The following FBN1 variants were observed in gnomAD, a reference collection of about 807,000 sequenced individuals.
The protein encoded by FBN1 is fibrillin 1.
FBN1 carries 29 observed loss-of-function variants against 365.1 expected under a neutral mutation model. That is an observed-to-expected ratio of 0.08 (90% CI 0.06 to 0.11). The LOEUF (loss-of-function observed/expected upper bound fraction) is 0.11, where lower values mean the gene tolerates loss of function less well. Ranked by LOEUF, FBN1 falls within the 10% of genes least tolerant of loss-of-function variation. The pLI, the probability that FBN1 is intolerant of heterozygous loss-of-function variation, is 1.00. For missense variants in FBN1, 2,476 were observed against 3,703.2 expected (o/e 0.67, Z 8.60); for synonymous variants, 1,210 against 1,270.5 (o/e 0.95, Z 1.01).
At chr15:48,421,396 C>T (rs1375628314) in intron 62 of FBN1, among the ~76,000 whole-genome samples, 162 bp downstream of exon 62, 5 of 152,166 alleles carry the variant, frequency 3.3e-5, no homozygotes, top group African/African-American at 9.7e-5. Context: ...AAACAAAACA[C>T]GACTCTCTAA....
In FBN1 at chr15:48,467,930, C is replaced by T. The variant is rs368739764; in HGVS notation, c.4747+8G>A. The stretch of plus-strand genomic sequence containing the variant: ...GAAATAATAATAAATAGGAGGATGT[C>T]CACTTACATGTGTTCACAGCAGGAC... On this transcript the variant is annotated splice_region_variant and intron_variant, in intron 38 of 65. Transcript: ENST00000316623. 1 of 1,611,390 alleles carries T rather than the reference C, an allele frequency of 6.2e-7. No individual in the cohort carries two copies. Among genetic ancestry groups the T allele is most frequent in the Non-Finnish European group, 8.5e-7 (1 of 1,177,746 alleles).
chr15:48,471,650 CAT>C (rs902121164), intron 35 of FBN1, among the ~76,000 whole-genome samples: 1 of 152,160 alleles, frequency 6.6e-6, no homozygotes, highest in African/African-American at 2.4e-5. Flanking sequence ...CATAAAAATA[CAT>C]GAGGGAATTA....
At position 48,552,329 on chromosome 15, in the gene FBN1, G is replaced by A. The variant is rs139101837; in HGVS notation, c.539-14521C>T. ...ATTGTGTCGCCCTAGCTAGAGTTCA[G>A]TGGTGGGATCACAGCTCACTATATC... is the stretch of plus-strand genomic sequence containing the variant. On this transcript the variant is annotated intron_variant, in intron 6 of 65. Transcript: ENST00000316623. Among the ~76,000 whole-genome samples the A allele has an allele frequency of 1.3e-4, 20 of 148,978 alleles. No homozygotes were observed. The East Asian group carries it at 3.8e-3, about 28-fold the overall frequency.
Position 48,537,536 on chromosome 15 carries a change from T to A in FBN1, c.736+75A>T, listed in dbSNP as rs1265475557. On this transcript the variant is annotated intron_variant, in intron 7 of 65. Transcript: ENST00000316623. ...TAGCTGACACTACTTTTCCATTCTCTTCAACTTCATTGGAGAATGGCTCTC... is the reference window on the plus strand; with the variant it reads ...TAGCTGACACTACTTTTCCATTCTCATCAACTTCATTGGAGAATGGCTCTC... 1.9e-6 allele frequency: 3 copies of A among 1,571,434 alleles called. No homozygotes were observed. The East Asian group carries it at 6.7e-5, about 35-fold the overall frequency.
chr15:48,419,236 G>A (rs1294216371), intron 63 of FBN1, among the ~76,000 whole-genome samples: 2 of 152,142 alleles, frequency 1.3e-5, no homozygotes, highest in East Asian at 3.9e-4. Flanking sequence ...GTCCAGCCAG[G>A]AGATGATCTT....
At chr15:48,615,719 T>C (rs979704666) in intron 2 of FBN1, among the ~76,000 whole-genome samples, 1 of 151,946 alleles carries the variant, frequency 6.6e-6, no homozygotes, top group South Asian at 2.1e-4. Flanking sequence ...AACCAATACA[T>C]AAAAGTTATA....
Position 48,472,712 on chromosome 15 carries a change from G to A in FBN1, c.4211-36C>T, listed in dbSNP as rs372941790. 5.8e-5 allele frequency: 94 copies of A among 1,614,010 alleles called. No homozygotes were observed. Among genetic ancestry groups the A allele is most frequent in the African/African-American group, 3.5e-4 (26 of 75,044 alleles). Reference sequence around the variant, plus strand: ...AAAGAAACACACGTTACTCTTCCTCGGTTAGGGGCTTTCTAATTCCTCAGG... The same window carrying A: ...AAAGAAACACACGTTACTCTTCCTCAGTTAGGGGCTTTCTAATTCCTCAGG... On this transcript the variant is annotated intron_variant, in intron 34 of 65. Coordinates refer to ENST00000316623, the MANE Select transcript of FBN1 (RefSeq NM_000138.5).
At chr15:48,588,168 T>C (rs2044450842) in intron 6 of FBN1, among the ~76,000 whole-genome samples, 2 of 152,196 alleles carry the variant, frequency 1.3e-5, no homozygotes, top group Admixed American at 1.3e-4. Flanking sequence ...GTATAATATA[T>C]GCATTGGATT....
intron 2 of FBN1, chr15:48,642,979 G>A (rs1465345069): frequency 1.3e-5 from 2 of 152,156 alleles, no homozygotes; most frequent in African/African-American, 4.8e-5. Flanking sequence ...ACATTCCCAA[G>A]GGAACACACT....
intron 57 of FBN1, 111 bp downstream of exon 57, chr15:48,428,235 T>C (rs927130856): frequency 7.2e-7 from 1 of 1,390,408 alleles, no homozygotes; most frequent in Non-Finnish European, 1.0e-6. Context: ...GAACATTTTT[T>C]ATCCTTCCTC....
intron 14 of FBN1, 122 bp downstream of exon 14, chr15:48,509,922 G>A (rs1597577822): frequency 9.3e-7 from 1 of 1,075,686 alleles, no homozygotes; most frequent in South Asian, 1.4e-5. Context: ...TTCCTTTTGA[G>A]ATAAAATATA....
chr15:48,637,548 C>T (rs1229275979), intron 2 of FBN1, among the ~76,000 whole-genome samples: 1 of 152,186 alleles, frequency 6.6e-6, no homozygotes, highest in African/African-American at 2.4e-5. Flanking sequence ...GTCCTAAGAC[C>T]TCAGACACTT....
At chr15:48,498,614 G>T (rs2043628345) in intron 18 of FBN1, among the ~76,000 whole-genome samples, 4 of 152,136 alleles carry the variant, frequency 2.6e-5, no homozygotes, top group Admixed American at 1.3e-4. Context: ...ATGGAGAATG[G>T]TTCAACTAGC....
chr15:48,583,128 C>A (rs889543668), intron 6 of FBN1, among the ~76,000 whole-genome samples: 1 of 152,204 alleles, frequency 6.6e-6, no homozygotes, highest in African/African-American at 2.4e-5. Flanking sequence ...CTCCAGAAGG[C>A]GGGATGCGTG....
intron 6 of FBN1, among the ~76,000 whole-genome samples, chr15:48,575,100 C>G (rs1194906323): frequency 6.6e-6 from 1 of 152,232 alleles, no homozygotes; most frequent in Non-Finnish European, 1.5e-5. Flanking sequence ...GAAGTATAAA[C>G]TCAAGTAAAT....
intron 32 of FBN1, among the ~76,000 whole-genome samples, chr15:48,477,784 G>C (rs141200788): frequency 1.0e-3 from 158 of 152,318 alleles, no homozygotes; most frequent in Non-Finnish European, 1.4e-3. Context: ...ATTAAGAATA[G>C]CATAAGCCAA....
At position 48,441,671 on chromosome 15, in the gene FBN1, C is replaced by T. The variant is rs886038253; in HGVS notation, c.6163+50G>A. On this transcript the variant is annotated intron_variant, in intron 50 of 65. Coordinates refer to ENST00000316623, the MANE Select transcript of FBN1 (RefSeq NM_000138.5). ...TGCCATGTTTGAAAAATAAGACCACCACAAATAAACATGCAGCATTGAAAG... is the reference window on the plus strand; with the variant it reads ...TGCCATGTTTGAAAAATAAGACCACTACAAATAAACATGCAGCATTGAAAG... 6.2e-7 allele frequency: 1 copy of T among 1,611,056 alleles called. No homozygotes were observed. Among genetic ancestry groups the T allele is most frequent in the Non-Finnish European group, 8.5e-7 (1 of 1,178,000 alleles).
At chr15:48,565,786 C>A (rs1300315641) in intron 6 of FBN1, among the ~76,000 whole-genome samples, 1 of 152,134 alleles carries the variant, frequency 6.6e-6, no homozygotes, top group Admixed American at 6.6e-5. Flanking sequence ...GTACTACAAA[C>A]TCACAAAACT....
chr15:48,516,389 C>T (rs1263809642), intron 10 of FBN1, 27 bp from the exon 11 acceptor site: 6 of 1,609,642 alleles, frequency 3.7e-6, no homozygotes, highest in Non-Finnish European at 5.1e-6. Flanking sequence ...AAACAAAACA[C>T]AACAGCTGAG....
Sources: gnomAD v4.1 joint callset for allele counts (sites outside exome capture counted in the v4.1 genomes callset) on GRCh38, gnomAD v4.1.1 for gene constraint, MANE v1.5 for transcripts, NCBI Gene and HGNC (gene_info 2026-07-23, HGNC 2026-07-21) for gene names.